Variants in BACH2 observed in about 807,000 individuals in gnomAD.
BACH2 encodes the protein transcription regulator protein BACH2.
A neutral mutation model predicts 61.8 loss-of-function variants in BACH2; 5 were observed. That is an observed-to-expected ratio of 0.08 (90% CI 0.04 to 0.17). BACH2 has a LOEUF of 0.17. Ranked by LOEUF, BACH2 falls within the 10% of genes least tolerant of loss-of-function variation. The pLI is 1.00. For missense variants in BACH2, 824 were observed against 1,091.1 expected, an observed-to-expected ratio of 0.76 and a Z score of 3.45; for synonymous variants, 446 against 440.1, an observed-to-expected ratio of 1.01 and a Z score of -0.17.
At chr6:90,193,094 A>C (rs1176171687) in intron 4 of BACH2, among the ~76,000 whole-genome samples, 1 of 152,256 alleles carries the variant, frequency 6.6e-6, no homozygotes, top group Non-Finnish European at 1.5e-5. Context: ...TGCTCAACAA[A>C]GGAATATGAG....
At chr6:90,237,764 C>T (rs1376029579) in intron 3 of BACH2, among the ~76,000 whole-genome samples, 1 of 152,184 alleles carries the variant, frequency 6.6e-6, no homozygotes, top group Non-Finnish European at 1.5e-5. Context: ...ATTTGCAGCA[C>T]ACAACCTCTG....
intron 3 of BACH2, among the ~76,000 whole-genome samples, chr6:90,211,853 C>T (rs1769365846): frequency 6.6e-6 from 1 of 152,180 alleles, no homozygotes; most frequent in Admixed American, 6.5e-5. Context: ...AAAGGTCTCA[C>T]TAGCTTTTAG....
chr6:90,086,413 C>G (rs569707784), intron 5 of BACH2, among the ~76,000 whole-genome samples: 11 of 152,198 alleles, frequency 7.2e-5, no homozygotes, highest in African/African-American at 2.4e-4. Flanking sequence ...AACTGTCGTA[C>G]TGTTTAGTAT....
intron 5 of BACH2, among the ~76,000 whole-genome samples, chr6:90,061,727 C>T (rs1192428167): frequency 1.3e-5 from 2 of 152,076 alleles, no homozygotes; most frequent in African/African-American, 4.8e-5. Flanking sequence ...ACGAGAGGAG[C>T]TGTCATGGAG....
intron 4 of BACH2, among the ~76,000 whole-genome samples, chr6:90,164,102 T>A (rs915130365): frequency 1.3e-5 from 2 of 152,036 alleles, no homozygotes; most frequent in African/African-American, 2.4e-5. Flanking sequence ...CAAAAAACCT[T>A]CAAAAAATCA....
chr6:90,220,181 C>T (rs1371056413), intron 3 of BACH2, among the ~76,000 whole-genome samples: 3 of 152,156 alleles, frequency 2.0e-5, no homozygotes. Context: ...AGTTTCTCCG[C>T]TACAGGATTT....
At chr6:90,140,791 G>A (rs963817799) in intron 4 of BACH2, among the ~76,000 whole-genome samples, 2 of 152,208 alleles carry the variant, frequency 1.3e-5, no homozygotes, top group African/African-American at 2.4e-5. Flanking sequence ...AATGATAATT[G>A]AATAATTCCC....
At chr6:90,034,087 G>A (rs905202702) in intron 5 of BACH2, among the ~76,000 whole-genome samples, 2 of 152,156 alleles carry the variant, frequency 1.3e-5, no homozygotes, top group African/African-American at 4.8e-5. Flanking sequence ...ATCAAAGGCT[G>A]AAGGAAATGG....
intron 7 of BACH2, among the ~76,000 whole-genome samples, chr6:89,941,616 C>T (rs555513289): frequency 5.9e-5 from 9 of 152,300 alleles, no homozygotes; most frequent in African/African-American, 1.9e-4. Context: ...CCCTCTTATA[C>T]CCGTTGGATA....
At chr6:90,066,751 G>A (rs1780985306) in intron 5 of BACH2, among the ~76,000 whole-genome samples, 1 of 152,192 alleles carries the variant, frequency 6.6e-6, no homozygotes. Context: ...TTGGAACCAA[G>A]ATACATAAGG....
intron 1 of BACH2, among the ~76,000 whole-genome samples, chr6:90,286,973 A>G (rs888779179): frequency 1.3e-5 from 2 of 152,194 alleles, no homozygotes; most frequent in African/African-American, 2.4e-5. Flanking sequence ...TAGGAACTAG[A>G]GGGCAGTTCC....
At chr6:90,052,290 A>G (rs1444720157) in intron 5 of BACH2, among the ~76,000 whole-genome samples, 1 of 152,174 alleles carries the variant, frequency 6.6e-6, no homozygotes, top group African/African-American at 2.4e-5. Flanking sequence ...CTATAGTTTT[A>G]TTAGTTTTTG....
At chr6:90,087,573 T>C (rs1031126843) in intron 5 of BACH2, among the ~76,000 whole-genome samples, 2 of 152,186 alleles carry the variant, frequency 1.3e-5, no homozygotes, top group Non-Finnish European at 2.9e-5. Flanking sequence ...ATTGTTCTTG[T>C]CCTCAGCAGT....
At chr6:89,976,619 T>A (rs1411195139) in intron 6 of BACH2, among the ~76,000 whole-genome samples, 1 of 152,210 alleles carries the variant, frequency 6.6e-6, no homozygotes, top group African/African-American at 2.4e-5. Context: ...TCAACAGCAT[T>A]ATGGGTCACG....
At chr6:89,967,150 A>AC (rs1775089617) in intron 6 of BACH2, among the ~76,000 whole-genome samples, 2 of 152,214 alleles carry the variant, frequency 1.3e-5, no homozygotes, top group African/African-American at 4.8e-5. Context: ...GAAGTAAGTC[A>AC]CAGGTGCTTC....
intron 7 of BACH2, among the ~76,000 whole-genome samples, chr6:89,939,026 T>C (rs1050362064): frequency 3.9e-5 from 6 of 152,268 alleles, no homozygotes; most frequent in Non-Finnish European, 7.3e-5. Context: ...TTGGGCACTT[T>C]GGGAATTTAT....
chr6:90,204,212 C>G (rs1205389998), intron 4 of BACH2, among the ~76,000 whole-genome samples: 2 of 152,158 alleles, frequency 1.3e-5, no homozygotes, highest in African/African-American at 4.8e-5. Flanking sequence ...GAGAGCATTA[C>G]AGTGTGTGTC....
chr6:90,293,099 C>A (rs948255248), intron 1 of BACH2, among the ~76,000 whole-genome samples: 18 of 152,158 alleles, frequency 1.2e-4, no homozygotes, highest in Admixed American at 1.3e-4. Context: ...AACAGCAGAA[C>A]CTTATACCAA....
chr6:90,154,231 C>A (rs1444463991), intron 4 of BACH2, among the ~76,000 whole-genome samples: 3 of 152,042 alleles, frequency 2.0e-5, no homozygotes, highest in Admixed American at 2.0e-4. Flanking sequence ...AGAGGAAATG[C>A]AGGTTACAAA....
Sources: allele counts gnomAD v4.1 joint callset (sites outside exome capture counted in the v4.1 genomes callset), GRCh38; gene constraint gnomAD v4.1.1; transcripts MANE v1.5; gene names NCBI Gene and HGNC (gene_info 2026-07-23, HGNC 2026-07-21).